Variants in HTR2A observed in about 807,000 individuals in gnomAD.
HTR2A encodes the protein 5-HT2 receptor.
A neutral mutation model predicts 31.0 loss-of-function variants in HTR2A; 14 were observed. That is an observed-to-expected ratio of 0.45 (90% confidence interval 0.30 to 0.71). The LOEUF is 0.71. Among genes scored for constraint, HTR2A ranks in the 30% least tolerant of loss-of-function variants. The probability of loss-of-function intolerance (pLI) is 0.09; values close to 1 mark genes in which losing one functional copy is unlikely to be tolerated. For synonymous variants in HTR2A, 209 were observed against 225.2 expected (o/e 0.93, Z 0.64); for missense variants, 442 against 573.3 (o/e 0.77, Z 2.34).
chr13:46,856,849 C>T (rs564827609), intron 3 of HTR2A, among the ~76,000 whole-genome samples: 4 of 152,236 alleles, frequency 2.6e-5, no homozygotes, highest in Non-Finnish European at 5.9e-5. Flanking sequence ...AGCAGGGGCA[C>T]GATAACAGTC....
intron 3 of HTR2A, among the ~76,000 whole-genome samples, chr13:46,879,934 G>T (rs1281837292): frequency 6.6e-6 from 1 of 152,174 alleles, no homozygotes; most frequent in African/African-American, 2.4e-5. Flanking sequence ...GAGCATGGGA[G>T]GCTGAGGCTG....
intron 3 of HTR2A, among the ~76,000 whole-genome samples, chr13:46,877,295 C>T (rs894825650): frequency 8.5e-5 from 13 of 152,110 alleles, no homozygotes; most frequent in Non-Finnish European, 1.0e-4. Flanking sequence ...AAATCTGAAA[C>T]GAAAGCTCAC....
chr13:46,853,030 A>G (rs1295876628), intron 3 of HTR2A, among the ~76,000 whole-genome samples: 1 of 151,024 alleles, frequency 6.6e-6, no homozygotes, highest in Non-Finnish European at 1.5e-5. Flanking sequence ...TCTCCTTAAT[A>G]TAGTGCATTA....
At chr13:46,881,895 C>G in intron 3 of HTR2A, among the ~76,000 whole-genome samples, 1 of 152,154 alleles carries the variant, frequency 6.6e-6, no homozygotes, top group Non-Finnish European at 1.5e-5. Flanking sequence ...TTTTTTCAAG[C>G]ATTTTTTTTC....
At chr13:46,853,086 T>A (rs1464627588) in intron 3 of HTR2A, among the ~76,000 whole-genome samples, 1 of 152,172 alleles carries the variant, frequency 6.6e-6, no homozygotes, top group Non-Finnish European at 1.5e-5. Flanking sequence ...GTCAGTATCT[T>A]ATAGAGTTTG....
chr13:46,853,622 C>A (rs906804666), intron 3 of HTR2A, among the ~76,000 whole-genome samples: 3 of 152,166 alleles, frequency 2.0e-5, no homozygotes, highest in Non-Finnish European at 4.4e-5. Context: ...TCTCCTGAAG[C>A]CACCCCACTG....
At chr13:46,850,490 G>C (rs1411575022) in intron 3 of HTR2A, among the ~76,000 whole-genome samples, 5 of 152,198 alleles carry the variant, frequency 3.3e-5, no homozygotes, top group African/African-American at 1.2e-4. Context: ...GCCTGGCTCT[G>C]TAGTCTGTAT....
intron 3 of HTR2A, among the ~76,000 whole-genome samples, chr13:46,885,107 A>G (rs1404064868): frequency 3.3e-5 from 5 of 152,158 alleles, no homozygotes; most frequent in African/African-American, 2.4e-5. Flanking sequence ...AAGAAAGCAC[A>G]GTAAGAGATT....
chr13:46,834,770 T>A lies in HTR2A; in HGVS notation c.*67A>T. On this transcript the variant is annotated 3_prime_UTR_variant, in exon 4 of 4. Coordinates refer to ENST00000542664, the MANE Select transcript of HTR2A (RefSeq NM_000621.5). ...GTCTAATTTTTTCCAATCTCATATT[T>A]TTTTTTTTCCAGATAGGTGAAAACT... 7.6e-7 allele frequency: 1 copy of A among 1,309,378 alleles called. No individual in the cohort carries two copies. The allele number at this position is 1,309,378 out of a possible 1,614,324, so 81.1% of individuals were successfully genotyped here.
chr13:46,853,054 G>A (rs970959262), intron 3 of HTR2A, among the ~76,000 whole-genome samples: 1 of 151,698 alleles, frequency 6.6e-6, no homozygotes, highest in Non-Finnish European at 1.5e-5. Context: ...TGAATTGTTA[G>A]GTAAAAGTTG....
chr13:46,896,338 A>G (rs1394569290), intron 1 of HTR2A, 104 bp from the exon 2 acceptor site: 3 of 584,890 alleles, frequency 5.1e-6, no homozygotes, highest in African/African-American at 2.0e-5. Context: ...GTATTATTAA[A>G]ATAGCATGCA....
At chr13:46,838,915 G>T (rs1219468416) in intron 3 of HTR2A, among the ~76,000 whole-genome samples, 1 of 151,898 alleles carries the variant, frequency 6.6e-6, no homozygotes, top group African/African-American at 2.4e-5. Context: ...CAGAATGTGG[G>T]CTTACCTAAA....
rs1337831013 is a variant in HTR2A at position 46,884,010 on chromosome 13, CTA to C, written c.613+8378_613+8379del. ...CTGAGTGCAGGAAAACTTGACTAAT[CTA>C]TGATGTGGTTACCGAGGTGAAAATG... On this transcript the variant is annotated intron_variant, in intron 3 of 3. Coordinates refer to ENST00000542664, the MANE Select transcript of HTR2A (RefSeq NM_000621.5). 4.6e-5 allele frequency among the ~76,000 whole-genome samples: 7 copies of C among 152,346 alleles called. No individual in the cohort carries two copies. The East Asian group carries it at 7.7e-4, about 17-fold the overall frequency.
At chr13:46,885,997 A>G (rs1951003345) in intron 3 of HTR2A, among the ~76,000 whole-genome samples, 1 of 152,208 alleles carries the variant, frequency 6.6e-6, no homozygotes, top group Admixed American at 6.5e-5. Flanking sequence ...TCTGCCAATC[A>G]TATACATTGC....
At chr13:46,850,480 G>T (rs1950675894) in intron 3 of HTR2A, among the ~76,000 whole-genome samples, 1 of 152,212 alleles carries the variant, frequency 6.6e-6, no homozygotes, top group African/African-American at 2.4e-5. Flanking sequence ...TTGAGCCACA[G>T]CCTGGCTCTG....
intron 3 of HTR2A, among the ~76,000 whole-genome samples, chr13:46,837,322 A>G (rs1480462958): frequency 1.3e-5 from 2 of 152,152 alleles, no homozygotes; most frequent in African/African-American, 2.4e-5. Flanking sequence ...CAATCATGAG[A>G]TGGCTTATTC....
Position 46,835,479 on chromosome 13 carries a change from G to A in HTR2A, c.774C>T (p.Ile258=), listed in dbSNP as rs750188721. 4 of 1,614,036 alleles carry A rather than the reference G, an allele frequency of 2.5e-6. No individual in the cohort carries two copies. The highest frequency in any genetic ancestry group is 3.4e-6 in the Non-Finnish European group (4 of 1,179,970). Residue 258 remains isoleucine, a synonymous_variant, in exon 4 of 4, where the codon ATC becomes ATT. Coordinates refer to ENST00000542664, the MANE Select transcript of HTR2A (RefSeq NM_000621.5). The part of the protein sequence containing the change: ...TIMVITYFLT[I]KSLQKEATLC... Reference sequence around the variant, plus strand: ...AAGTAGCTTCTTTCTGGAGTGACTTGATAGTTAGAAAGTAGGTGATCACCA... The same window carrying A: ...AAGTAGCTTCTTTCTGGAGTGACTTAATAGTTAGAAAGTAGGTGATCACCA...
intron 3 of HTR2A, among the ~76,000 whole-genome samples, chr13:46,836,431 A>G (rs1876455363): frequency 6.6e-6 from 1 of 152,210 alleles, no homozygotes; most frequent in Admixed American, 6.5e-5. Context: ...TACATGCAGT[A>G]CTTTGTACCT....
At chr13:46,859,206 A>G (rs889040392) in intron 3 of HTR2A, among the ~76,000 whole-genome samples, 1 of 152,190 alleles carries the variant, frequency 6.6e-6, no homozygotes, top group African/African-American at 2.4e-5. Context: ...AGAAGTACCT[A>G]TAATTTGCCC....
Sources: allele counts gnomAD v4.1 joint callset (sites outside exome capture counted in the v4.1 genomes callset), GRCh38; gene constraint gnomAD v4.1.1; transcripts MANE v1.5; gene names NCBI Gene and HGNC (gene_info 2026-07-23, HGNC 2026-07-21).